FAM227B: variants seen among roughly 807,000 people sequenced by gnomAD.
FAM227B encodes family with sequence similarity 227 member B, also known as protein FAM227B.
FAM227B carries 88 observed loss-of-function variants against 73.8 expected under a neutral mutation model. The observed-to-expected ratio is 1.19, with a 90% CI of 1.00 to 1.42. The LOEUF is 1.42. FAM227B is among the 40% of genes most tolerant of loss of function. FAM227B has a pLI of 0.00. For synonymous variants in FAM227B, 210 were observed against 190.5 expected (o/e 1.10, Z -0.84); for missense variants, 632 against 590.9 (o/e 1.07, Z -0.72).
At chr15:49,454,173 A>C (rs1350514546) in intron 11 of FAM227B, among the ~76,000 whole-genome samples, 2 of 152,154 alleles carry the variant, frequency 1.3e-5, no homozygotes, top group African/African-American at 4.8e-5. Context: ...TGATTTATTG[A>C]AGGTTATATA....
In FAM227B at chr15:49,603,910, A is replaced by G. The variant is rs1364843041; in HGVS notation, c.105+7305T>C. 5.9e-5 allele frequency among the ~76,000 whole-genome samples: 9 copies of G among 152,300 alleles called. No individual in the cohort carries two copies. The East Asian group carries it at 1.7e-3, about 29-fold the overall frequency. The stretch of plus-strand genomic sequence containing the variant: ...TGCTTTTTCAGCATCAGCGGAAATC[A>G]TATGGGTTTTGTCCTTCATTCTGTT... On this transcript the variant is annotated intron_variant, in intron 3 of 15. Transcript: ENST00000299338.
At chr15:49,340,070 C>T (rs920894184) in intron 13 of FAM227B, among the ~76,000 whole-genome samples, 5 of 152,146 alleles carry the variant, frequency 3.3e-5, no homozygotes, top group African/African-American at 9.7e-5. Context: ...GGGTGGGACC[C>T]GCTGAGCCAG....
intron 11 of FAM227B, among the ~76,000 whole-genome samples, chr15:49,477,205 T>C (rs1269346554): frequency 1.3e-5 from 2 of 152,258 alleles, no homozygotes; most frequent in African/African-American, 4.8e-5. Flanking sequence ...GCCATCAGTT[T>C]ATACTAAGGT....
intron 3 of FAM227B, among the ~76,000 whole-genome samples, chr15:49,600,298 C>G (rs2077108520): frequency 6.6e-6 from 1 of 151,530 alleles, no homozygotes; most frequent in African/African-American, 2.4e-5. Context: ...TATGTGTGTC[C>G]TTAAAGCTAA....
At chr15:49,511,235 A>G (rs2058974887) in intron 10 of FAM227B, among the ~76,000 whole-genome samples, 1 of 152,126 alleles carries the variant, frequency 6.6e-6, no homozygotes, top group Admixed American at 6.6e-5. Flanking sequence ...TTTGAGATGG[A>G]TGCTTAAACA....
In FAM227B at chr15:49,434,170, G is replaced by A. The variant is rs186668249; in HGVS notation, c.1013-62771C>T. 2.7e-4 allele frequency among the ~76,000 whole-genome samples: 41 copies of A among 151,702 alleles called. No homozygotes were observed. The East Asian group carries it at 7.6e-3, about 28-fold the overall frequency. ...AACTGTACTTCTGACCATAGGCCTA[G>A]TTTATCTGGTTCATATTGAGGCAGC... On this transcript the variant is annotated intron_variant, in intron 11 of 15. Transcript: ENST00000299338.
At position 49,355,866 on chromosome 15, in the gene FAM227B, A is replaced by C. The variant is rs558960421; in HGVS notation, c.1271+11582T>G. Among the ~76,000 whole-genome samples, 35 of 152,350 alleles carry C rather than the reference A, an allele frequency of 2.3e-4. No individual in the cohort carries two copies. In the South Asian group the frequency reaches 6.8e-3, roughly 30 times the overall value. On this transcript the variant is annotated intron_variant, in intron 13 of 15. Coordinates refer to ENST00000299338, the MANE Select transcript of FAM227B (RefSeq NM_152647.3). ...AAAGGTCGGGTCACCCTCAAAGGGA[A>C]GCCCATCAGACTAACAGTGGATCTC...
chr15:49,518,110 C>T lies in FAM227B; in HGVS notation c.875-9762G>A, dbSNP rs570684240. On this transcript the variant is annotated intron_variant, in intron 10 of 15. Transcript: ENST00000299338. ...GATATGAACATTTTGCTCTTTTTTC[C>T]GTGTACAGAAATGTGCACATTTCTA... Among the ~76,000 whole-genome samples, 5 of 152,012 alleles carry T rather than the reference C, an allele frequency of 3.3e-5. No homozygotes were observed. The East Asian group carries it at 5.8e-4, about 18-fold the overall frequency.
At chr15:49,501,869 C>T (rs1361074268) in intron 11 of FAM227B, among the ~76,000 whole-genome samples, 1 of 152,216 alleles carries the variant, frequency 6.6e-6, no homozygotes, top group Non-Finnish European at 1.5e-5. Flanking sequence ...GACCTGCTGT[C>T]CTGCACAGTC....
intron 10 of FAM227B, among the ~76,000 whole-genome samples, chr15:49,524,035 C>T (rs928665777): frequency 6.6e-6 from 1 of 152,068 alleles, no homozygotes; most frequent in African/African-American, 2.4e-5. Context: ...AAAAAAATTG[C>T]AGCCTGATTA....
At chr15:49,370,544 A>G (rs2045739505) in intron 12 of FAM227B, among the ~76,000 whole-genome samples, 1 of 152,248 alleles carries the variant, frequency 6.6e-6, no homozygotes, top group Non-Finnish European at 1.5e-5. Flanking sequence ...AAGTAGGAAG[A>G]TATTTTATTA....
chr15:49,550,966 C>T (rs2072901456), intron 9 of FAM227B, among the ~76,000 whole-genome samples: 2 of 152,228 alleles, frequency 1.3e-5, no homozygotes, highest in African/African-American at 4.8e-5. Flanking sequence ...GCCGAGATCA[C>T]ACCACTGCAC....
At chr15:49,471,189 A>G (rs1258021835) in intron 11 of FAM227B, among the ~76,000 whole-genome samples, 1 of 152,154 alleles carries the variant, frequency 6.6e-6, no homozygotes, top group African/African-American at 2.4e-5. Flanking sequence ...ATCATTAAGA[A>G]TATGGCAAAT....
chr15:49,368,355 CCACT>C (rs1321722889), intron 12 of FAM227B, among the ~76,000 whole-genome samples: 1 of 152,050 alleles, frequency 6.6e-6, no homozygotes, highest in Non-Finnish European at 1.5e-5. Flanking sequence ...TTTATTGATT[CCACT>C]TACTGTGGGG....
chr15:49,399,442 C>A (rs1035746453), intron 11 of FAM227B, among the ~76,000 whole-genome samples: 2 of 150,622 alleles, frequency 1.3e-5, no homozygotes, highest in African/African-American at 4.9e-5. Flanking sequence ...TGGTACCATT[C>A]CTTCTGAAAA....
chr15:49,491,571 T>A (rs1447361138), intron 11 of FAM227B, among the ~76,000 whole-genome samples: 1 of 151,864 alleles, frequency 6.6e-6, no homozygotes, highest in Non-Finnish European at 1.5e-5. Context: ...CTACTGTCAA[T>A]CAATCCATAC....
chr15:49,331,711 A>G, intron 15 of FAM227B, 69 bp downstream of exon 15: 1 of 971,116 alleles, frequency 1.0e-6, no homozygotes, highest in Admixed American at 1.8e-5. Context: ...TTGCTTATGA[A>G]ATATTGTCCA....
At chr15:49,415,054 A>C (rs1275239049) in intron 11 of FAM227B, among the ~76,000 whole-genome samples, 1 of 152,090 alleles carries the variant, frequency 6.6e-6, no homozygotes, top group Non-Finnish European at 1.5e-5. Context: ...CTTCTTTACT[A>C]TCATAATTAC....
intron 11 of FAM227B, among the ~76,000 whole-genome samples, chr15:49,412,144 A>G (rs980670657): frequency 6.6e-6 from 1 of 152,104 alleles, no homozygotes; most frequent in Non-Finnish European, 1.5e-5. Flanking sequence ...CAAACTACTT[A>G]GGCTAAGAAA....
Sources: allele counts gnomAD v4.1 joint callset (sites outside exome capture counted in the v4.1 genomes callset), GRCh38; gene constraint gnomAD v4.1.1; transcripts MANE v1.5; gene names NCBI Gene and HGNC (gene_info 2026-07-23, HGNC 2026-07-21).